CDKL5: variants seen among roughly 807,000 people sequenced by gnomAD.
The protein encoded by CDKL5 is cyclin-dependent kinase-like 5.
Under a neutral mutation model 61.7 loss-of-function variants are expected in CDKL5, and 8 were observed. The observed-to-expected ratio is 0.13, with a 90% CI of 0.08 to 0.23. The LOEUF (loss-of-function observed/expected upper bound fraction) is 0.23, where lower values mean the gene tolerates loss of function less well. Among genes scored for constraint, CDKL5 ranks in the 10% least tolerant of loss-of-function variants. CDKL5 has a pLI of 1.00. For missense variants in CDKL5, 440 were observed against 734.5 expected (o/e 0.60, Z 4.63); for synonymous variants, 275 against 272.3 (o/e 1.01, Z -0.10).
chrX:18,425,981 G>A (rs1371255027), intron 1 of CDKL5, among the ~76,000 whole-genome samples: 1 of 112,032 alleles, frequency 8.9e-6, no homozygotes, highest in African/African-American at 3.2e-5. Context: ...GAGGGGCGGC[G>A]GGTCGAGCCC....
At position 18,632,537 on chromosome X, in the gene CDKL5, G is replaced by T; in HGVS notation, c.*3780G>T. ...TCTTTACAAATATTAGCATATGGCAGACCAATTAGAAGCAAAAAAGTCCGT... is the reference window on the plus strand; with the variant it reads ...TCTTTACAAATATTAGCATATGGCATACCAATTAGAAGCAAAAAAGTCCGT... On this transcript the variant is annotated 3_prime_UTR_variant, in exon 18 of 18. Coordinates refer to ENST00000623535, the MANE Select transcript of CDKL5 (RefSeq NM_001323289.2). The T allele has an allele frequency of 1.3e-6, 1 of 753,696 alleles. No homozygotes were observed. The highest frequency in any genetic ancestry group is 1.6e-6 in the Non-Finnish European group (1 of 638,589). 62.1% of individuals were successfully genotyped at this position (753,696 alleles called of 1,213,427 possible). A position where few individuals can be genotyped will look rare whatever the true frequency, so the allele number is the denominator to read the frequency against.
At position 18,440,888 on chromosome X, in the gene CDKL5, G is replaced by A. The variant is rs141594957; in HGVS notation, c.-163+15193G>A. Among the ~76,000 whole-genome samples, 774 of 111,677 alleles carry A rather than the reference G, an allele frequency of 6.9e-3. 4 individuals carry two copies. The highest frequency in any genetic ancestry group is 0.046 in the Middle Eastern group (10 of 216). The stretch of plus-strand genomic sequence containing the variant: ...ATAAGTTAAGAGACAAGGTGTTGGC[G>A]CAAAGAAAGCAACCTTATTTGGAGA... On this transcript the variant is annotated intron_variant, in intron 1 of 17. Transcript: ENST00000623535.
Position 18,625,233 on chromosome X carries a change from G to C in CDKL5, c.2482G>C (p.Asp828His), listed in dbSNP as rs372839442. The change falls in exon 17 of 18, where the codon GAT becomes CAT. Residue 828 changes from aspartate to histidine, a missense_variant. This residue lies in a region of CDKL5 where 363 missense variants were observed against 516.3 expected (regional missense o/e 0.70). Coordinates refer to ENST00000623535, the MANE Select transcript of CDKL5 (RefSeq NM_001323289.2). Reference protein sequence around the residue: ...PKEWRPEKISDLQTQSQPLKS... With the variant: ...PKEWRPEKISHLQTQSQPLKS... Reference sequence around the variant, plus strand: ...GGAGTGGCGCCCCGAGAAGATCTCAGATCTGCAGACCCAAGTGAGTGGATC... The same window carrying C: ...GGAGTGGCGCCCCGAGAAGATCTCACATCTGCAGACCCAAGTGAGTGGATC... 20 of 1,209,459 alleles carry C rather than the reference G, an allele frequency of 1.7e-5. No individual in the cohort carries two copies. The highest frequency in any genetic ancestry group is 2.0e-5 in the Non-Finnish European group (18 of 894,816).
At chrX:18,426,927 A>T (rs1404194347) in intron 1 of CDKL5, 1 of 111,989 alleles carries the variant, frequency 8.9e-6, no homozygotes, top group African/African-American at 3.2e-5. Flanking sequence ...CATGTGAGTG[A>T]CACTTAGATG....
intron 11 of CDKL5, among the ~76,000 whole-genome samples, chrX:18,599,522 T>C: frequency 8.9e-6 from 1 of 112,605 alleles, no homozygotes; most frequent in Non-Finnish European, 1.9e-5. Flanking sequence ...GGCATGATTA[T>C]AACTCACTGC....
At chrX:18,497,275 T>C (rs1471112641) in intron 1 of CDKL5, 2 of 111,692 alleles carry the variant, frequency 1.8e-5, no homozygotes, top group Non-Finnish European at 3.8e-5. Flanking sequence ...ACTGGCTCGA[T>C]TCCATTTTTT....
chrX:18,451,611 T>C (rs1932018867), intron 1 of CDKL5, among the ~76,000 whole-genome samples: 1 of 111,798 alleles, frequency 8.9e-6, no homozygotes, highest in Non-Finnish European at 1.9e-5. Flanking sequence ...TGATCTTGGC[T>C]CCCTGCAGCC....
chrX:18,573,838 C>T (rs759922898), intron 4 of CDKL5, among the ~76,000 whole-genome samples: 116 of 111,942 alleles, frequency 1.0e-3, no homozygotes, highest in Middle Eastern at 4.6e-3. Flanking sequence ...TATGGATACT[C>T]GGGTGCTACA....
intron 20 of CDKL5, chrX:18,647,518 T>C: frequency 2.2e-6 from 1 of 464,709 alleles, no homozygotes; most frequent in Non-Finnish European, 3.7e-6. Flanking sequence ...AAGAAAGGAA[T>C]GAAGGATGAA....
At chrX:18,579,674 G>C (rs1457459173) in intron 5 of CDKL5, among the ~76,000 whole-genome samples, 174 bp from the exon 6 acceptor site, 1 of 110,608 alleles carries the variant, frequency 9.0e-6, no homozygotes, top group Admixed American at 9.7e-5. Flanking sequence ...CCTCATAAAA[G>C]AAAGCCCCAA....
chrX:18,489,306 A>G (rs1921904993), intron 1 of CDKL5, among the ~76,000 whole-genome samples: 2 of 110,662 alleles, frequency 1.8e-5, no homozygotes, highest in South Asian at 7.8e-4. Context: ...GATTACAGGC[A>G]TGCGCCACCA....
intron 1 of CDKL5, among the ~76,000 whole-genome samples, chrX:18,468,606 C>G (rs1247338323): frequency 8.9e-6 from 1 of 112,206 alleles, no homozygotes; most frequent in Non-Finnish European, 1.9e-5. Context: ...CAGAGTTTTT[C>G]TAGATACGGT....
chrX:18,524,742 G>A (rs963365334), intron 3 of CDKL5, among the ~76,000 whole-genome samples: 9 of 111,737 alleles, frequency 8.1e-5, no homozygotes, highest in African/African-American at 2.9e-4. Flanking sequence ...TGCATTTTAC[G>A]TTTAGGTGTA....
At chrX:18,486,704 G>A (rs1483229869) in intron 1 of CDKL5, among the ~76,000 whole-genome samples, 2 of 111,780 alleles carry the variant, frequency 1.8e-5, no homozygotes, top group African/African-American at 3.3e-5. Flanking sequence ...ATTGTGACTC[G>A]CATAAAGAGT....
intron 9 of CDKL5, 114 bp downstream of exon 9, chrX:18,588,257 C>T: frequency 6.5e-6 from 4 of 614,165 alleles, no homozygotes; most frequent in Non-Finnish European, 1.1e-5. Flanking sequence ...TTTCCCATTA[C>T]AGTGTTTATA....
intron 6 of CDKL5, 77 bp from the exon 7 acceptor site, chrX:18,581,814 A>G (rs772094645): frequency 1.7e-5 from 11 of 645,649 alleles, no homozygotes; most frequent in East Asian, 3.3e-5. Context: ...ATTAGATGCT[A>G]TTACAGTGAT....
chrX:18,535,735 A>G, intron 3 of CDKL5: 1 of 152,623 alleles, frequency 6.6e-6, no homozygotes, highest in Non-Finnish European at 1.4e-5. Context: ...CTTGCCTTGA[A>G]CATCATTGCG....
intron 1 of CDKL5, among the ~76,000 whole-genome samples, chrX:18,487,615 G>A (rs1921837411): frequency 8.9e-6 from 1 of 112,789 alleles, no homozygotes; most frequent in Admixed American, 9.3e-5. Context: ...TGTTTTTGTA[G>A]GCACTAAGTT....
intron 1 of CDKL5, among the ~76,000 whole-genome samples, chrX:18,461,339 T>C (rs1932282867): frequency 8.9e-6 from 1 of 112,626 alleles, no homozygotes; most frequent in African/African-American, 3.2e-5. Context: ...TAGGCATTTT[T>C]ACTGTCCGAG....
Sources: allele counts gnomAD v4.1 joint callset (sites outside exome capture counted in the v4.1 genomes callset), GRCh38; gene constraint gnomAD v4.1.1; regional missense constraint gnomAD v4.1.1; transcripts MANE v1.5; gene names NCBI Gene and HGNC (gene_info 2026-07-23, HGNC 2026-07-21).